Variants in PTPRT observed in about 807,000 individuals in gnomAD.
PTPRT encodes receptor-type tyrosine-protein phosphatase T.
PTPRT carries 56 observed loss-of-function variants against 176.8 expected under a neutral mutation model. The observed-to-expected ratio is 0.32, with a 90% CI of 0.26 to 0.40. The LOEUF (loss-of-function observed/expected upper bound fraction) is 0.40. Ranked by LOEUF, PTPRT falls within the 10% of genes least tolerant of loss-of-function variation. PTPRT has a pLI of 1.00. For synonymous variants in PTPRT, 783 were observed against 739.0 expected (o/e 1.06, Z -0.96); for missense variants, 1,540 against 1,908.2 (o/e 0.81, Z 3.60).
chr20:42,452,981 T>G (rs1445921931), intron 8 of PTPRT, among the ~76,000 whole-genome samples: 1 of 152,178 alleles, frequency 6.6e-6, no homozygotes, highest in Non-Finnish European at 1.5e-5. Context: ...ACTACCATAT[T>G]AAATTATTTT....
intron 16 of PTPRT, among the ~76,000 whole-genome samples, chr20:42,189,724 A>G (rs1479411880): frequency 6.6e-6 from 1 of 152,190 alleles, no homozygotes; most frequent in Non-Finnish European, 1.5e-5. Flanking sequence ...CACGGGCCCA[A>G]TTCTAGCTGG....
At chr20:42,089,407 G>A (rs1207257994) in intron 27 of PTPRT, among the ~76,000 whole-genome samples, 1 of 152,148 alleles carries the variant, frequency 6.6e-6, no homozygotes, top group Admixed American at 6.5e-5. Context: ...GACACAAGGT[G>A]CATGGATCCA....
chr20:42,124,984 G>C (rs776497105), intron 19 of PTPRT, among the ~76,000 whole-genome samples: 44 of 152,120 alleles, frequency 2.9e-4, no homozygotes, highest in Non-Finnish European at 6.2e-4. Context: ...GAGGAGGTTG[G>C]GGCATATGTT....
intron 15 of PTPRT, among the ~76,000 whole-genome samples, chr20:42,208,609 A>G (rs1265907065): frequency 1.3e-5 from 2 of 152,022 alleles, no homozygotes; most frequent in Non-Finnish European, 2.9e-5. Context: ...CTAAATATAT[A>G]TGCACCCAAT....
intron 1 of PTPRT, among the ~76,000 whole-genome samples, chr20:42,989,645 T>G (rs1377212833): frequency 6.6e-6 from 1 of 152,260 alleles, no homozygotes; most frequent in Admixed American, 6.5e-5. Flanking sequence ...GTTCCATCAA[T>G]GTTTTCATTC....
At chr20:42,170,170 G>A (rs6030027) in intron 16 of PTPRT, among the ~76,000 whole-genome samples, 1 of 152,062 alleles carries the variant, frequency 6.6e-6, no homozygotes, top group East Asian at 1.9e-4. Context: ...CAAGATAAGA[G>A]GATGAAGAGG....
chr20:42,273,157 A>G (rs755950811), intron 13 of PTPRT, among the ~76,000 whole-genome samples: 1 of 152,154 alleles, frequency 6.6e-6, no homozygotes, highest in African/African-American at 2.4e-5. Flanking sequence ...TATATTAAGT[A>G]CTTTCGATAC....
intron 1 of PTPRT, among the ~76,000 whole-genome samples, chr20:43,060,832 G>A (rs1280607538): frequency 6.6e-6 from 1 of 152,122 alleles, no homozygotes; most frequent in Non-Finnish European, 1.5e-5. Context: ...GACTTGTTTG[G>A]GAGGAGGAGA....
chr20:42,843,468 T>G (rs2078314598), intron 2 of PTPRT, among the ~76,000 whole-genome samples: 1 of 152,108 alleles, frequency 6.6e-6, no homozygotes, highest in Non-Finnish European at 1.5e-5. Flanking sequence ...GGAAACAGAG[T>G]CTCCAGAATT....
chr20:42,358,826 A>C (rs964119041), intron 9 of PTPRT, among the ~76,000 whole-genome samples: 1 of 152,216 alleles, frequency 6.6e-6, no homozygotes, highest in Admixed American at 6.5e-5. Context: ...ACAGAGTTTA[A>C]TGGATTTCAT....
intron 10 of PTPRT, among the ~76,000 whole-genome samples, chr20:42,351,500 T>C (rs1214322962): frequency 6.6e-6 from 1 of 152,118 alleles, no homozygotes; most frequent in East Asian, 1.9e-4. Context: ...AAAAAAAACA[T>C]GTTTTTCTGG....
At chr20:42,329,386 G>A (rs2057931849) in intron 11 of PTPRT, among the ~76,000 whole-genome samples, 1 of 151,694 alleles carries the variant, frequency 6.6e-6, no homozygotes, top group Non-Finnish European at 1.5e-5. Flanking sequence ...AAAATGTTTT[G>A]TAAAGCTATA....
At chr20:42,225,657 A>T (rs927703776) in intron 15 of PTPRT, among the ~76,000 whole-genome samples, 30 of 152,008 alleles carry the variant, frequency 2.0e-4, no homozygotes, top group East Asian at 1.9e-4. Context: ...GTCATTTTTT[A>T]TTTATTTATT....
the PTPRT span, among the ~76,000 whole-genome samples, chr20:42,063,253 T>A: frequency 6.6e-6 from 1 of 152,196 alleles, no homozygotes; most frequent in Admixed American, 6.5e-5. Flanking sequence ...TCTTAGCACG[T>A]TTCCCCTCCG....
Position 42,446,625 on chromosome 20 carries a change from A to T in PTPRT, c.1560+1595T>A, listed in dbSNP as rs966301744. Among the ~76,000 whole-genome samples, 1,262 of 138,672 alleles carry T rather than the reference A, an allele frequency of 9.1e-3. 17 individuals carry two copies. The highest frequency in any genetic ancestry group is 0.034 in the African/African-American group (1,136 of 33,274). The allele number at this position is 138,672 out of a possible 152,430, so 91.0% of individuals were successfully genotyped here. On this transcript the variant is annotated intron_variant, in intron 9 of 30. Coordinates refer to ENST00000373187, the MANE Select transcript of PTPRT (RefSeq NM_007050.6). ...GTGTGTGTGTGTGTGTGTGTGTGAGAGAGAGAGAGAGATTGTGGTTTCTGC... is the reference window on the plus strand; with the variant it reads ...GTGTGTGTGTGTGTGTGTGTGTGAGTGAGAGAGAGAGATTGTGGTTTCTGC...
chr20:42,920,161 C>T (rs755459220), intron 1 of PTPRT, among the ~76,000 whole-genome samples: 3 of 152,112 alleles, frequency 2.0e-5, no homozygotes, highest in African/African-American at 4.8e-5. Context: ...GAGACAAGAA[C>T]AAAAAATAAG....
intron 16 of PTPRT, 37 bp from the exon 17 acceptor site, chr20:42,161,579 T>TA: frequency 6.5e-7 from 1 of 1,550,312 alleles, no homozygotes; most frequent in Non-Finnish European, 8.7e-7. Context: ...TCATCACCTA[T>TA]AGAAGCTTTG....
chr20:42,493,563 G>C (rs1193752981), intron 7 of PTPRT, among the ~76,000 whole-genome samples: 1 of 152,108 alleles, frequency 6.6e-6, no homozygotes, highest in Non-Finnish European at 1.5e-5. Flanking sequence ...TGAGTACTCA[G>C]TTAGGATAAG....
At chr20:42,401,068 A>T (rs867842564) in intron 9 of PTPRT, among the ~76,000 whole-genome samples, 1 of 152,010 alleles carries the variant, frequency 6.6e-6, no homozygotes, top group Non-Finnish European at 1.5e-5. Flanking sequence ...GAGCAGGGAC[A>T]GTTTTGATAA....
Sources: gnomAD v4.1 joint callset for allele counts (sites outside exome capture counted in the v4.1 genomes callset) on GRCh38, gnomAD v4.1.1 for gene constraint, MANE v1.5 for transcripts, NCBI Gene and HGNC (gene_info 2026-07-23, HGNC 2026-07-21) for gene names.